DNAJC27: variants seen among roughly 807,000 people sequenced by gnomAD.
The protein encoded by DNAJC27 is dnaJ homolog subfamily C member 27.
A neutral mutation model predicts 31.4 loss-of-function variants in DNAJC27; 25 were observed. The observed-to-expected ratio is 0.80, with a 90% CI of 0.58 to 1.11. The LOEUF (loss-of-function observed/expected upper bound fraction) is 1.11. Ranked by LOEUF, DNAJC27 falls within the 50% of genes most tolerant of loss-of-function variation. The pLI is 0.00. For missense variants in DNAJC27, 356 were observed against 347.3 expected, an observed-to-expected ratio of 1.02 and a Z score of -0.20; for synonymous variants, 106 against 112.7, an observed-to-expected ratio of 0.94 and a Z score of 0.37.
intron 5 of DNAJC27, among the ~76,000 whole-genome samples, chr2:24,956,043 A>T (rs955121570): frequency 9.9e-5 from 15 of 152,270 alleles, no homozygotes; most frequent in Non-Finnish European, 1.8e-4. Context: ...GCAAACCAGC[A>T]TCAACTTTAT....
rs764657963 is a variant in DNAJC27, at chr2:24,971,866, C to G, written c.39G>C (p.Arg13Ser). 1.9e-6 allele frequency: 3 copies of G among 1,609,380 alleles called. No homozygotes were observed. The highest frequency in any genetic ancestry group is 2.7e-5 in the African/African-American group (2 of 74,590). The stretch of plus-strand genomic sequence containing the variant: ...TGGAGATGACTTTGATGCGGAGAGA[C>G]CTGCCGGGCTCCTTCCGCTTCGGCA... The part of the protein sequence containing the change: ...ANMPKRKEPG[R>S]SLRIKVISMG... Residue 13 changes from arginine to serine, a missense_variant, in exon 1 of 7, where the codon AGG becomes AGC. Transcript: ENST00000264711.
chr2:24,963,650 G>T (rs1439986140), intron 2 of DNAJC27, among the ~76,000 whole-genome samples, 176 bp from the exon 3 acceptor site: 1 of 152,186 alleles, frequency 6.6e-6, no homozygotes, highest in African/African-American at 2.4e-5. Context: ...AGATGATCCT[G>T]CCTTCTTATC....
At chr2:24,955,552 C>T (rs1428567059) in intron 5 of DNAJC27, among the ~76,000 whole-genome samples, 2 of 152,126 alleles carry the variant, frequency 1.3e-5, no homozygotes, top group Non-Finnish European at 2.9e-5. Flanking sequence ...ATGAAAAACA[C>T]CCACCTACCA....
chr2:24,970,980 C>T (rs1666320213), intron 1 of DNAJC27, among the ~76,000 whole-genome samples: 1 of 152,148 alleles, frequency 6.6e-6, no homozygotes, highest in Non-Finnish European at 1.5e-5. Context: ...CATACAACGA[C>T]GGAAAGAGCA....
chr2:24,954,868 G>A (rs999564034), intron 5 of DNAJC27, among the ~76,000 whole-genome samples: 5 of 152,146 alleles, frequency 3.3e-5, no homozygotes, highest in East Asian at 3.9e-4. Context: ...CCCAGGAGGC[G>A]GAGCTTGCCA....
intron 3 of DNAJC27, among the ~76,000 whole-genome samples, chr2:24,962,221 GTTT>G (rs915729370): frequency 1.8e-4 from 3 of 16,998 alleles, no homozygotes; most frequent in African/African-American, 5.4e-4. Flanking sequence ...TTTTTCTTTT[GTTT>G]TTTTTTGTGT....
intron 6 of DNAJC27, among the ~76,000 whole-genome samples, chr2:24,949,055 G>T (rs758442556): frequency 6.6e-6 from 1 of 152,116 alleles, no homozygotes; most frequent in Non-Finnish European, 1.5e-5. Context: ...AGTCTTAGGC[G>T]TACATTCTAG....
In DNAJC27 at chr2:24,956,427, G is replaced by A. The variant is rs143098362; in HGVS notation, c.528+616C>T. Among the ~76,000 whole-genome samples the A allele has an allele frequency of 4.3e-4, 66 of 152,126 alleles. No homozygotes were observed. The East Asian group carries it at 7.1e-3, about 16-fold the overall frequency. On this transcript the variant is annotated intron_variant, in intron 5 of 6. Coordinates refer to ENST00000264711, the MANE Select transcript of DNAJC27 (RefSeq NM_016544.3). ...CATCTGTTCAGGTTGTGATGTGAGC[G>A]CCTCCCTCTATTTCCTGCTTGATTG...
At position 24,944,935 on chromosome 2, in the gene DNAJC27, C is replaced by A. The variant is rs1376551634; in HGVS notation, c.*2681G>T. The A allele has an allele frequency of 2.0e-5, 3 of 152,634 alleles. No homozygotes were observed. Among genetic ancestry groups the A allele is most frequent in the African/African-American group, 4.8e-5 (2 of 41,566 alleles). 9.5% of individuals were successfully genotyped at this position (152,634 alleles called of 1,614,324 possible). ...ATAATAGCTATTCAAACTTTTTATT[C>A]TTTTTTGAAAAACAAGATTCTCTAT... is the stretch of plus-strand genomic sequence containing the variant. On this transcript the variant is annotated 3_prime_UTR_variant, in exon 7 of 7. Coordinates refer to ENST00000264711, the MANE Select transcript of DNAJC27 (RefSeq NM_016544.3).
chr2:24,949,055 G>A (rs758442556), intron 6 of DNAJC27, among the ~76,000 whole-genome samples: 2 of 152,116 alleles, frequency 1.3e-5, no homozygotes, highest in South Asian at 2.1e-4. Flanking sequence ...AGTCTTAGGC[G>A]TACATTCTAG....
At chr2:24,959,494 G>A (rs925953699) in intron 3 of DNAJC27, among the ~76,000 whole-genome samples, 1 of 152,130 alleles carries the variant, frequency 6.6e-6, no homozygotes, top group East Asian at 1.9e-4. Context: ...TATGCACACA[G>A]GAAACCCCTC....
intron 2 of DNAJC27, among the ~76,000 whole-genome samples, chr2:24,963,915 T>C (rs1488771782): frequency 6.6e-6 from 1 of 152,264 alleles, no homozygotes; most frequent in Non-Finnish European, 1.5e-5. Context: ...TGTATATTAA[T>C]GACGTCTGTT....
chr2:24,969,300 C>A (rs911407789), intron 1 of DNAJC27: 1 of 160,640 alleles, frequency 6.2e-6, no homozygotes, highest in Non-Finnish European at 1.4e-5. Flanking sequence ...GATGTCAAGG[C>A]TCAGGTATCA....
intron 5 of DNAJC27, among the ~76,000 whole-genome samples, chr2:24,952,468 G>A (rs1665799773): frequency 6.6e-6 from 1 of 152,148 alleles, no homozygotes; most frequent in Admixed American, 6.5e-5. Context: ...TTGTGTAGCT[G>A]TCCCATAATT....
intron 1 of DNAJC27, among the ~76,000 whole-genome samples, chr2:24,970,004 A>G (rs1666288711): frequency 6.6e-6 from 1 of 152,226 alleles, no homozygotes; most frequent in African/African-American, 2.4e-5. Flanking sequence ...CACGTAAGGA[A>G]AAAGTATATC....
In DNAJC27 at chr2:24,951,429, A is replaced by T; in HGVS notation, c.654T>A (p.Ser218Arg). 1 of 1,613,250 alleles carries T rather than the reference A, an allele frequency of 6.2e-7. No individual in the cohort carries two copies. Among genetic ancestry groups the T allele is most frequent in the Non-Finnish European group, 8.5e-7 (1 of 1,179,584 alleles). Residue 218 changes from serine to arginine, a missense_variant, in exon 6 of 7, where the codon AGT becomes AGA. Transcript: ENST00000264711. ...AIRRIRNSKDSWDMLGVKPGA... is the reference protein window; with the variant it reads ...AIRRIRNSKDRWDMLGVKPGA... ...CAGGTTTGACTCCCAGCATGTCCCA[A>T]CTGTCTTTACTATTTCGAATTCTGC... is the stretch of plus-strand genomic sequence containing the variant.
chr2:24,947,658 T>C lies in DNAJC27; in HGVS notation c.780A>G (p.Ala260=). 1 of 1,612,280 alleles carries C rather than the reference T, an allele frequency of 6.2e-7. No individual in the cohort carries two copies. The highest frequency in any genetic ancestry group is 1.1e-5 in the South Asian group (1 of 90,958). ...VAPGSEDAFK[A]VVNARTALLK... is the part of the protein sequence containing the mutation. ...GGAGGGCTGTCCGAGCATTCACAAC[T>C]GCTTTGAAGGCATCTTCACTGCCAG... Residue 260 remains alanine (A), a synonymous_variant, in exon 7 of 7, where the codon GCA becomes GCG. Transcript: ENST00000264711.
intron 5 of DNAJC27, among the ~76,000 whole-genome samples, chr2:24,954,335 G>GAGAT (rs1265279120): frequency 6.6e-6 from 1 of 152,156 alleles, no homozygotes; most frequent in East Asian, 1.9e-4. Flanking sequence ...TGTCAGAGTG[G>GAGAT]AGATATTGCC....
chr2:24,966,207 T>C (rs1340299554), intron 2 of DNAJC27, among the ~76,000 whole-genome samples: 1 of 152,024 alleles, frequency 6.6e-6, no homozygotes, highest in African/African-American at 2.4e-5. Context: ...GGTGCTGAGG[T>C]AGAAAGTCTG....
Sources: gnomAD v4.1 joint callset for allele counts (sites outside exome capture counted in the v4.1 genomes callset) on GRCh38, gnomAD v4.1.1 for gene constraint, MANE v1.5 for transcripts, NCBI Gene and HGNC (gene_info 2026-07-23, HGNC 2026-07-21) for gene names.